The following ACACB variants were observed in gnomAD, a reference collection of about 807,000 sequenced individuals.
The protein encoded by ACACB is acetyl-CoA carboxylase beta, also known as acetyl-CoA carboxylase 2.
A neutral mutation model predicts 278.8 loss-of-function variants in ACACB; 209 were observed. The observed-to-expected ratio is 0.75, with a 90% CI of 0.67 to 0.84. The LOEUF (loss-of-function observed/expected upper bound fraction) is 0.84. Among genes scored for constraint, ACACB ranks in the 40% least tolerant of loss-of-function variants. The pLI is 0.00. For synonymous variants in ACACB, 1,174 were observed against 1,285.6 expected, an observed-to-expected ratio of 0.91 and a Z score of 1.86; for missense variants, 2,850 against 3,269.0, an observed-to-expected ratio of 0.87 and a Z score of 3.13.
chr12:109,255,611 G>A (rs927677731), intron 44 of ACACB, among the ~76,000 whole-genome samples: 5 of 152,178 alleles, frequency 3.3e-5, no homozygotes, highest in Non-Finnish European at 2.9e-5. Flanking sequence ...AGCCATTTAC[G>A]CTGTTGCATG....
At chr12:109,150,629 G>C (rs2043346087) in intron 2 of ACACB, among the ~76,000 whole-genome samples, 1 of 152,182 alleles carries the variant, frequency 6.6e-6, no homozygotes, top group Non-Finnish European at 1.5e-5. Flanking sequence ...GGCAAAGGTA[G>C]GTGAAGGAAT....
At chr12:109,180,723 C>T (rs554923807) in intron 11 of ACACB, among the ~76,000 whole-genome samples, 7 of 152,048 alleles carry the variant, frequency 4.6e-5, no homozygotes, top group East Asian at 3.9e-4. Context: ...CTGCAGCCTC[C>T]GCCTCCCAGG....
At chr12:109,161,750 T>G (rs1022518895) in intron 2 of ACACB, among the ~76,000 whole-genome samples, 1 of 148,642 alleles carries the variant, frequency 6.7e-6, no homozygotes, top group African/African-American at 2.5e-5. Context: ...TGTGTGTGTG[T>G]GGTGTGTGTG....
chr12:109,206,843 T>G lies in ACACB; in HGVS notation c.3047T>G (p.Val1016Gly). Residue 1016 changes from valine to glycine, a missense_variant, in exon 20 of 53, where the codon GTT (valine) becomes GGT (glycine). Around this residue, in one of 3 missense-constraint regions of ACACB, gnomAD observed 2,265 missense variants for 2,561.3 expected, o/e 0.88. Coordinates refer to ENST00000338432, the MANE Select transcript of ACACB (RefSeq NM_001093.4). ...VMSGFCLPEP[V>G]FSIKLKEWVQ... ...AGTGGCTTTTGTCTGCCAGAGCCCGTTTTTAGCATAAAGGTAAAGTCACCT... is the reference window on the plus strand; with the variant it reads ...AGTGGCTTTTGTCTGCCAGAGCCCGGTTTTAGCATAAAGGTAAAGTCACCT... The G allele has an allele frequency of 2.5e-6, 4 of 1,614,054 alleles. No homozygotes were observed. The highest frequency in any genetic ancestry group is 2.2e-5 in the East Asian group (1 of 44,876).
At chr12:109,131,618 G>C (rs1032931032) in intron 1 of ACACB, among the ~76,000 whole-genome samples, 14 of 152,176 alleles carry the variant, frequency 9.2e-5, no homozygotes, top group African/African-American at 2.9e-4. Context: ...CCCTGCCCTT[G>C]CCTGGTGACT....
intron 2 of ACACB, among the ~76,000 whole-genome samples, chr12:109,158,473 T>C (rs1230981073): frequency 6.6e-6 from 1 of 152,022 alleles, no homozygotes; most frequent in African/African-American, 2.4e-5. Context: ...CTTGAGGAGT[T>C]TGAGACCAGT....
At chr12:109,167,142 T>A in intron 3 of ACACB, 149 bp downstream of exon 3, 1 of 947,982 alleles carries the variant, frequency 1.1e-6, no homozygotes, top group Non-Finnish European at 1.6e-6. Context: ...TTTAATAGTT[T>A]AACCCTCAAA....
intron 2 of ACACB, among the ~76,000 whole-genome samples, 171 bp downstream of exon 2, chr12:109,140,229 T>TCCTC (rs2043071111): frequency 7.6e-6 from 1 of 131,756 alleles, no homozygotes; most frequent in Non-Finnish European, 1.7e-5. Flanking sequence ...CTTCCTTCCT[T>TCCTC]CCTTCCTTCC....
chr12:109,233,879 G>A (rs1226725077), intron 30 of ACACB, 32 bp downstream of exon 30: 2 of 1,612,930 alleles, frequency 1.2e-6, no homozygotes, highest in Admixed American at 3.3e-5. Flanking sequence ...GCAACCTGGG[G>A]AGCAGGTGGG....
chr12:109,245,170 G>GA (rs3831809), intron 37 of ACACB, among the ~76,000 whole-genome samples: 6 of 146,326 alleles, frequency 4.1e-5, no homozygotes, highest in Non-Finnish European at 7.5e-5. Flanking sequence ...GGCAACAAGA[G>GA]AAAAAAAAAA....
At chr12:109,172,469 C>T in intron 6 of ACACB, 113 bp downstream of exon 6, 1 of 942,382 alleles carries the variant, frequency 1.1e-6, no homozygotes, top group Admixed American at 2.1e-5. Context: ...TTTGATTTCC[C>T]ACCTCACACT....
chr12:109,144,750 C>CTTTTTTTTTTTTTTTTTTTTTTTTTT lies in ACACB; in HGVS notation c.653+4695_653+4696insTTTTTTTTTTTTTTTTTTTTTTTTTT, dbSNP rs770963307. On this transcript the variant is annotated intron_variant, in intron 2 of 52. Coordinates refer to ENST00000338432, the MANE Select transcript of ACACB (RefSeq NM_001093.4). ...TCTTTCTTTTTCTTTTTCTTTCTTT[C>CTTTTTTTTTTTTTTTTTTTTTTTTTT]TTTCTTTTTTTTTTTTTTTTTTGAG... 9.2e-5 allele frequency among the ~76,000 whole-genome samples: 8 copies of CTTTTTTTTTTTTTTTTTTTTTTTTTT among 86,782 alleles called. 1 individual carries two copies. Among genetic ancestry groups the CTTTTTTTTTTTTTTTTTTTTTTTTTT allele is most frequent in the Non-Finnish European group, 1.1e-4 (5 of 46,720 alleles). The allele number at this position is 86,782 out of a possible 152,430, so 56.9% of individuals were successfully genotyped here. A position where few individuals can be genotyped will look rare whatever the true frequency, so the allele number is the denominator to read the frequency against.
In ACACB at chr12:109,212,871, G is replaced by A; in HGVS notation, c.3285G>A (p.Leu1095=). 6.2e-7 allele frequency: 1 copy of A among 1,614,136 alleles called. No homozygotes were observed. Among genetic ancestry groups the A allele is most frequent in the East Asian group, 2.2e-5 (1 of 44,886 alleles). Residue 1095 remains leucine (L), a synonymous_variant, in exon 22 of 53, where the codon CTG becomes CTA. Coordinates refer to ENST00000338432, the MANE Select transcript of ACACB (RefSeq NM_001093.4). ...ATILDCHAAT[L]QRKADREVFF... ...TCCTGGACTGCCATGCAGCCACCCT[G>A]CAGCGGAAGGCTGATCGAGAGGTCT...
At chr12:109,152,632 C>G (rs888229832) in intron 2 of ACACB, among the ~76,000 whole-genome samples, 2 of 43,952 alleles carry the variant, frequency 4.6e-5, no homozygotes, top group African/African-American at 1.1e-4. Flanking sequence ...CCTTTTCTTT[C>G]TTTCTTTCTT....
intron 45 of ACACB, 120 bp downstream of exon 45, chr12:109,256,356 G>GA (rs1436066316): frequency 1.5e-5 from 11 of 721,426 alleles, no homozygotes; most frequent in Non-Finnish European, 2.4e-5. Flanking sequence ...TTTTCTAAAA[G>GA]AAAAAACCAA....
At chr12:109,210,435 G>GCACA (rs1182868258) in intron 21 of ACACB, among the ~76,000 whole-genome samples, 3 of 118,228 alleles carry the variant, frequency 2.5e-5, no homozygotes, top group Non-Finnish European at 5.1e-5. Context: ...GTATATACAC[G>GCACA]CACATACATG....
At chr12:109,239,137 G>A (rs1308061731) in intron 34 of ACACB, among the ~76,000 whole-genome samples, 2 of 149,268 alleles carry the variant, frequency 1.3e-5, no homozygotes, top group Admixed American at 6.7e-5. Flanking sequence ...GGCTGGTCTC[G>A]AACTCCTGAC....
At chr12:109,237,515 T>A in intron 34 of ACACB, 135 bp downstream of exon 34, 1 of 937,994 alleles carries the variant, frequency 1.1e-6, no homozygotes, top group Non-Finnish European at 1.6e-6. Context: ...GCCCTTGCTA[T>A]GCTCCAGTCC....
At chr12:109,202,081 C>T (rs1204938490) in intron 19 of ACACB, among the ~76,000 whole-genome samples, 1 of 152,122 alleles carries the variant, frequency 6.6e-6, no homozygotes, top group Non-Finnish European at 1.5e-5. Context: ...AAGGACCTAC[C>T]CCAGACTTTG....
Sources: allele counts gnomAD v4.1 joint callset (sites outside exome capture counted in the v4.1 genomes callset), GRCh38; gene constraint gnomAD v4.1.1; regional missense constraint gnomAD v4.1.1; transcripts MANE v1.5; gene names NCBI Gene and HGNC (gene_info 2026-07-23, HGNC 2026-07-21).